The following SIPA1L2 variants were observed in gnomAD, a reference collection of about 807,000 sequenced individuals.
SIPA1L2 encodes the protein signal-induced proliferation-associated 1-like protein 2.
A neutral mutation model predicts 163.9 loss-of-function variants in SIPA1L2; 56 were observed. The ratio of observed to expected loss-of-function variants is 0.34; its 90% CI spans 0.28 to 0.43. The LOEUF (loss-of-function observed/expected upper bound fraction) is 0.43. Among genes scored for constraint, SIPA1L2 ranks in the 20% least tolerant of loss-of-function variants. The pLI is 1.00. For missense variants in SIPA1L2, 1,974 were observed against 2,193.5 expected (o/e 0.90, Z 2.00); for synonymous variants, 877 against 865.7 (o/e 1.01, Z -0.23).
At chr1:232,399,558 C>A (rs1480162026) in intron 22 of SIPA1L2, among the ~76,000 whole-genome samples, 1 of 151,674 alleles carries the variant, frequency 6.6e-6, no homozygotes, top group Non-Finnish European at 1.5e-5. Context: ...TTTATATTAC[C>A]CTCTATCCAA....
At chr1:232,488,839 C>T (rs144390888) in intron 5 of SIPA1L2, among the ~76,000 whole-genome samples, 54 of 152,164 alleles carry the variant, frequency 3.5e-4, no homozygotes, top group Non-Finnish European at 6.6e-4. Flanking sequence ...CAATAGGGGG[C>T]CATCAAAAGT....
At chr1:232,524,531 AGAGACTTAT>A in intron 2 of SIPA1L2, among the ~76,000 whole-genome samples, 1 of 152,322 alleles carries the variant, frequency 6.6e-6, no homozygotes, top group South Asian at 2.1e-4. Flanking sequence ...CAAGAAAATA[AGAGACTTAT>A]AATAAGAAAA....
chr1:232,519,513 A>G (rs1158105784), intron 2 of SIPA1L2, among the ~76,000 whole-genome samples: 3 of 152,208 alleles, frequency 2.0e-5, no homozygotes, highest in Non-Finnish European at 4.4e-5. Flanking sequence ...TGTCCGAGTT[A>G]GAGAAGAAGC....
At chr1:232,492,103 G>A (rs985335685) in intron 4 of SIPA1L2, among the ~76,000 whole-genome samples, 1 of 151,942 alleles carries the variant, frequency 6.6e-6, no homozygotes, top group Non-Finnish European at 1.5e-5. Flanking sequence ...TTAGGAGAGG[G>A]GCTTTATCTC....
At chr1:232,576,000 C>T (rs79424690) in intron 1 of SIPA1L2, among the ~76,000 whole-genome samples, 1,660 of 152,196 alleles carry the variant, frequency 0.011, 25 homozygotes, top group African/African-American at 0.038. Context: ...GAAAGTACAA[C>T]GGTGGCTGCC....
At chr1:232,399,581 A>T (rs1660209226) in intron 22 of SIPA1L2, among the ~76,000 whole-genome samples, 1 of 152,096 alleles carries the variant, frequency 6.6e-6, no homozygotes, top group Admixed American at 6.5e-5. Context: ...AAGGGAGACT[A>T]CAGGGAGGTT....
chr1:232,420,332 A>G (rs1376447970), intron 18 of SIPA1L2, among the ~76,000 whole-genome samples: 1 of 152,054 alleles, frequency 6.6e-6, no homozygotes, highest in Non-Finnish European at 1.5e-5. Context: ...TCCAAACAAC[A>G]ACAAAAAAAG....
At chr1:232,557,200 G>A (rs1258094825) in intron 2 of SIPA1L2, among the ~76,000 whole-genome samples, 1 of 152,158 alleles carries the variant, frequency 6.6e-6, no homozygotes, top group Non-Finnish European at 1.5e-5. Flanking sequence ...CAGGCGTACA[G>A]GACAAATAGG....
chr1:232,591,111 G>A (rs1036422606), intron 1 of SIPA1L2, among the ~76,000 whole-genome samples: 1 of 152,174 alleles, frequency 6.6e-6, no homozygotes, highest in African/African-American at 2.4e-5. Flanking sequence ...TGGCCTTACT[G>A]ACCTCCAGCA....
At chr1:232,413,529 A>G (rs1254754502) in intron 19 of SIPA1L2, among the ~76,000 whole-genome samples, 2 of 152,218 alleles carry the variant, frequency 1.3e-5, no homozygotes, top group Non-Finnish European at 2.9e-5. Context: ...ATTGTTTGAA[A>G]TCTGAAAGGT....
intron 3 of SIPA1L2, among the ~76,000 whole-genome samples, chr1:232,504,298 G>T (rs1666619756): frequency 6.6e-6 from 1 of 152,174 alleles, no homozygotes; most frequent in Non-Finnish European, 1.5e-5. Context: ...CAGCACTTTG[G>T]AAGGCCGAGG....
At chr1:232,449,185 A>T (rs1053514541) in intron 10 of SIPA1L2, among the ~76,000 whole-genome samples, 1 of 152,184 alleles carries the variant, frequency 6.6e-6, no homozygotes, top group African/African-American at 2.4e-5. Context: ...GACAGTTGTA[A>T]GGTAAACTGA....
chr1:232,457,938 C>A (rs1036491981), intron 10 of SIPA1L2, among the ~76,000 whole-genome samples: 1 of 152,094 alleles, frequency 6.6e-6, no homozygotes, highest in Non-Finnish European at 1.5e-5. Context: ...GAAAACAAAT[C>A]AAAACTAACA....
intron 1 of SIPA1L2, among the ~76,000 whole-genome samples, chr1:232,582,578 C>T (rs1479355922): frequency 2.6e-5 from 4 of 152,084 alleles, no homozygotes; most frequent in African/African-American, 9.7e-5. Context: ...CTAGGTTGAT[C>T]CCATGTCTTT....
chr1:232,480,162 T>TGC (rs200834904), intron 6 of SIPA1L2, among the ~76,000 whole-genome samples: 3,922 of 131,718 alleles, frequency 0.03, 178 homozygotes, highest in African/African-American at 0.11. Context: ...TGCGTGTGTG[T>TGC]GTGTGTGTGT....
intron 1 of SIPA1L2, among the ~76,000 whole-genome samples, chr1:232,620,121 G>C (rs2102887844): frequency 6.6e-6 from 1 of 152,292 alleles, no homozygotes; most frequent in Non-Finnish European, 1.5e-5. Flanking sequence ...CTGAACTCAT[G>C]ATCCGCCCGC....
At position 232,496,236 on chromosome 1, in the gene SIPA1L2, ATACT is replaced by A. The variant is rs59454392; in HGVS notation, c.1484-2580_1484-2577del. On this transcript the variant is annotated intron_variant, in intron 3 of 22. Coordinates refer to ENST00000674635, the MANE Select transcript of SIPA1L2 (RefSeq NM_020808.5). ...ACCTTTTCTATGTTTAGATACAAAA[ATACT>A]TACCACTGTGTTACAACTGCCTACA... Among the ~76,000 whole-genome samples the A allele has an allele frequency of 0.036, 5,521 of 152,222 alleles. 938 individuals are homozygous for A. The East Asian group carries it at 0.56, about 16-fold the overall frequency.
intron 2 of SIPA1L2, among the ~76,000 whole-genome samples, chr1:232,543,263 T>C (rs60819895): frequency 0.015 from 2,349 of 152,354 alleles, 76 homozygotes; most frequent in African/African-American, 0.054. Context: ...TTAATTTGCA[T>C]AATTTACCAA....
intron 16 of SIPA1L2, among the ~76,000 whole-genome samples, chr1:232,431,908 A>G (rs1358628772): frequency 1.3e-5 from 2 of 152,256 alleles, no homozygotes; most frequent in Non-Finnish European, 2.9e-5. Flanking sequence ...ACTTTAAGGA[A>G]CACACAGGAC....
Sources: allele counts gnomAD v4.1 joint callset (sites outside exome capture counted in the v4.1 genomes callset), GRCh38; gene constraint gnomAD v4.1.1; transcripts MANE v1.5; gene names NCBI Gene and HGNC (gene_info 2026-07-23, HGNC 2026-07-21).